ZDHHC15: variants seen among roughly 807,000 people sequenced by gnomAD.
ZDHHC15 encodes zDHHC palmitoyltransferase 15, also known as palmitoyltransferase ZDHHC15.
ZDHHC15 carries 19 observed loss-of-function variants against 31.7 expected under a neutral mutation model. The observed-to-expected ratio is 0.60, with a 90% CI of 0.42 to 0.88. The LOEUF (loss-of-function observed/expected upper bound fraction) is 0.88, where lower values mean the gene tolerates loss of function less well. ZDHHC15 is among the 40% of genes least tolerant of loss of function. The probability of loss-of-function intolerance (pLI) is 0.00; values close to 1 mark genes in which losing one functional copy is unlikely to be tolerated. For synonymous variants in ZDHHC15, 103 were observed against 90.0 expected (o/e 1.14, Z -0.82); for missense variants, 209 against 251.2 (o/e 0.83, Z 1.14).
intron 5 of ZDHHC15, 40 bp downstream of exon 5, chrX:75,431,411 T>C (rs986889198): frequency 8.5e-7 from 1 of 1,171,637 alleles, no homozygotes; most frequent in Non-Finnish European, 1.1e-6. Context: ...AAACCTTCAG[T>C]GGCCAAGCCC....
intron 4 of ZDHHC15, among the ~76,000 whole-genome samples, chrX:75,441,290 T>A (rs1235447263): frequency 8.9e-6 from 1 of 111,861 alleles, no homozygotes; most frequent in Admixed American, 9.5e-5. Context: ...ACCCTTGAAA[T>A]AGAGAGCCCT....
At chrX:75,497,199 A>G (rs1035027359) in intron 2 of ZDHHC15, among the ~76,000 whole-genome samples, 3 of 111,752 alleles carry the variant, frequency 2.7e-5, no homozygotes, top group Admixed American at 9.6e-5. Context: ...GAAGGCTACT[A>G]TGAATACCTT....
intron 9 of ZDHHC15, among the ~76,000 whole-genome samples, chrX:75,420,801 T>G (rs1316340244): frequency 1.8e-5 from 2 of 110,253 alleles, no homozygotes; most frequent in Non-Finnish European, 3.8e-5. Context: ...CCAGGGACTG[T>G]CCTGGGGTGG....
In ZDHHC15 at chrX:75,430,039, C is replaced by T. The variant is rs150634490; in HGVS notation, c.450-59G>A. 1,737 of 1,117,464 alleles carry T rather than the reference C, an allele frequency of 1.6e-3. 17 individuals carry two copies. The African/African-American group carries it at 0.026, about 17-fold the overall frequency. 92.1% of individuals were successfully genotyped at this position (1,117,464 alleles called of 1,213,427 possible). ...AGGCTATGGAAATGAAGCAACATCT[C>T]ATAATTAAACTCAAGGTTTCACCAG... On this transcript the variant is annotated intron_variant, in intron 5 of 11. Coordinates refer to ENST00000373367, the MANE Select transcript of ZDHHC15 (RefSeq NM_144969.3).
Position 75,412,228 on chromosome X carries a change from T to C in ZDHHC15, c.967+4859A>G, listed in dbSNP as rs141929768. 7.8e-3 allele frequency among the ~76,000 whole-genome samples: 873 copies of C among 111,291 alleles called. 11 individuals carry two copies. Among genetic ancestry groups the C allele is most frequent in the African/African-American group, 0.026 (799 of 30,542 alleles). ...AAACAGTATGGAGGTTCTTCAAAAATTGAAAAATAGAACTACTATATGATC... is the reference window on the plus strand; with the variant it reads ...AAACAGTATGGAGGTTCTTCAAAAACTGAAAAATAGAACTACTATATGATC... On this transcript the variant is annotated intron_variant, in intron 10 of 11. Coordinates refer to ENST00000373367, the MANE Select transcript of ZDHHC15 (RefSeq NM_144969.3).
chrX:75,522,949 G>T lies in ZDHHC15; in HGVS notation c.76C>A (p.Leu26Ile). Residue 26 changes from leucine (L) to isoleucine (I), a missense_variant, in exon 1 of 12, where the codon CTC (leucine) becomes ATC (isoleucine). Transcript: ENST00000373367. The stretch of plus-strand genomic sequence containing the variant: ...CAGAGCACGACGAGGACAATAACGA[G>T]CACTGGCACCCAGGACAGTACCCGG... Reference protein sequence around the residue: ...CRRVLSWVPVLVIVLVVLWSY... With the variant: ...CRRVLSWVPVIVIVLVVLWSY... The T allele has an allele frequency of 8.3e-7, 1 of 1,211,846 alleles. No homozygotes were observed. Among genetic ancestry groups the T allele is most frequent in the Non-Finnish European group, 1.1e-6 (1 of 895,486 alleles).
chrX:75,379,302 A>T, intron 10 of ZDHHC15, 104 bp from the exon 11 acceptor site: 2 of 812,098 alleles, frequency 2.5e-6, no homozygotes, highest in Non-Finnish European at 3.7e-6. Flanking sequence ...TGCAGGCAAC[A>T]GATACCTGCA....
chrX:75,518,798 TATATATATAC>T (rs1451243857), intron 1 of ZDHHC15, among the ~76,000 whole-genome samples: 6 of 27,281 alleles, frequency 2.2e-4, no homozygotes, highest in African/African-American at 6.4e-4. Context: ...TATATATATA[TATATATATAC>T]ACACACACAC....
rs139176552 is a variant in ZDHHC15, at chrX:75,404,393, T to C, written c.967+12694A>G. Among the ~76,000 whole-genome samples, 639 of 111,836 alleles carry C rather than the reference T, an allele frequency of 5.7e-3. 4 individuals carry two copies. Among genetic ancestry groups the C allele is most frequent in the African/African-American group, 0.02 (603 of 30,854 alleles). ...TTGACAAATAGTATCTAATTAAACC[T>C]AAGAGCTTCTGCCCAGCAAAGGAGA... On this transcript the variant is annotated intron_variant, in intron 10 of 11. Coordinates refer to ENST00000373367, the MANE Select transcript of ZDHHC15 (RefSeq NM_144969.3).
At chrX:75,463,506 G>A (rs1266505776) in intron 3 of ZDHHC15, among the ~76,000 whole-genome samples, 1 of 109,773 alleles carries the variant, frequency 9.1e-6, no homozygotes, top group Non-Finnish European at 1.9e-5. Context: ...CTACAGAATG[G>A]GAGAAAATTT....
chrX:75,383,735 GT>G (rs34663369), intron 10 of ZDHHC15, among the ~76,000 whole-genome samples: 25 of 86,618 alleles, frequency 2.9e-4, no homozygotes, highest in African/African-American at 1.1e-3. Context: ...GAAATGTTAG[GT>G]TTTTTTTTTT....
Position 75,490,531 on chromosome X carries a change from G to A in ZDHHC15, c.164-11546C>T, listed in dbSNP as rs1371425330. Among the ~76,000 whole-genome samples the A allele has an allele frequency of 4.5e-5, 5 of 111,615 alleles. No homozygotes were observed. The Admixed American group carries it at 4.8e-4, about 11-fold the overall frequency. On this transcript the variant is annotated intron_variant, in intron 2 of 11. Transcript: ENST00000373367. Reference sequence around the variant, plus strand: ...AGTTTTTTCCAATTCTGTGAAGAAAGTCATTGGTAGCTTGATGGGGATGGC... The same window carrying A: ...AGTTTTTTCCAATTCTGTGAAGAAAATCATTGGTAGCTTGATGGGGATGGC...
intron 11 of ZDHHC15, among the ~76,000 whole-genome samples, chrX:75,373,561 T>G (rs1461902473): frequency 8.9e-6 from 1 of 111,805 alleles, no homozygotes; most frequent in Non-Finnish European, 1.9e-5. Context: ...GCTTCCAGGA[T>G]TCTATCCTAT....
At chrX:75,459,498 C>G (rs1417118260) in intron 3 of ZDHHC15, among the ~76,000 whole-genome samples, 2 of 111,351 alleles carry the variant, frequency 1.8e-5, no homozygotes, top group African/African-American at 6.5e-5. Flanking sequence ...GCAAATGGCC[C>G]AGAGGAGGAA....
rs1222507094 is a variant in ZDHHC15, at chrX:75,368,833, C to T, written c.*4145G>A. ...CTGATGGCTGTGTACCATCCTGCTA[C>T]AAAGAACACATTTAATGGTTTTGAA... On this transcript the variant is annotated 3_prime_UTR_variant, in exon 12 of 12. Transcript: ENST00000373367. The T allele has an allele frequency of 9.0e-6, 1 of 111,603 alleles. No homozygotes were observed. The highest frequency in any genetic ancestry group is 1.9e-5 in the Non-Finnish European group (1 of 53,123). 9.2% of individuals were successfully genotyped at this position (111,603 alleles called of 1,213,427 possible).
intron 10 of ZDHHC15, among the ~76,000 whole-genome samples, chrX:75,407,632 T>TG (rs1367537823): frequency 1.0e-5 from 1 of 98,145 alleles, no homozygotes; most frequent in African/African-American, 3.8e-5. Flanking sequence ...GTCTGGGAGG[T>TG]GGGGGGCGCC....
intron 4 of ZDHHC15, 50 bp downstream of exon 4, chrX:75,450,752 T>C: frequency 8.3e-7 from 1 of 1,209,968 alleles, no homozygotes; most frequent in Non-Finnish European, 1.1e-6. Flanking sequence ...ACTTAGCCTT[T>C]CTGAGATACT....
chrX:75,425,375 C>A (rs758280372), intron 7 of ZDHHC15, among the ~76,000 whole-genome samples: 1 of 111,570 alleles, frequency 9.0e-6, no homozygotes, highest in South Asian at 3.7e-4. Flanking sequence ...TGTGAAACAG[C>A]TGTTTAGACA....
rs995306374 is a variant in ZDHHC15 at position 75,372,348 on chromosome X, C to T, written c.*630G>A. The T allele has an allele frequency of 2.7e-5, 3 of 111,720 alleles. No homozygotes were observed. Among genetic ancestry groups the T allele is most frequent in the Non-Finnish European group, 5.6e-5 (3 of 53,116 alleles). The allele number at this position is 111,720 out of a possible 1,213,427, so 9.2% of individuals were successfully genotyped here. On this transcript the variant is annotated 3_prime_UTR_variant, in exon 12 of 12. Coordinates refer to ENST00000373367, the MANE Select transcript of ZDHHC15 (RefSeq NM_144969.3). ...AATTCCAATTTGAGGACCTTGGTCA[C>T]AGTGTACTGATTCACCCTCCCAAAT...
Sources: allele counts gnomAD v4.1 joint callset (sites outside exome capture counted in the v4.1 genomes callset), GRCh38; gene constraint gnomAD v4.1.1; transcripts MANE v1.5; gene names NCBI Gene and HGNC (gene_info 2026-07-23, HGNC 2026-07-21).